Variants in PLCB1 observed in about 807,000 individuals in gnomAD.
The protein encoded by PLCB1 is phospholipase C beta 1, also known as 1-phosphatidylinositol 4,5-bisphosphate phosphodiesterase beta-1.
PLCB1 carries 46 observed loss-of-function variants against 161.8 expected under a neutral mutation model. The ratio of observed to expected loss-of-function variants is 0.28; its 90% CI spans 0.22 to 0.36. The LOEUF (loss-of-function observed/expected upper bound fraction) is 0.36. Among genes scored for constraint, PLCB1 ranks in the 10% least tolerant of loss-of-function variants. The pLI, the probability that PLCB1 is intolerant of heterozygous loss-of-function variation, is 1.00. For synonymous variants in PLCB1, 517 were observed against 503.7 expected, an observed-to-expected ratio of 1.03 and a Z score of -0.35; for missense variants, 1,016 against 1,472.5, an observed-to-expected ratio of 0.69 and a Z score of 5.07.
chr20:8,377,032 A>G (rs1987110523), intron 3 of PLCB1, among the ~76,000 whole-genome samples: 1 of 152,194 alleles, frequency 6.6e-6, no homozygotes, highest in Non-Finnish European at 1.5e-5. Context: ...CAAGCTACCA[A>G]CCTGATGTCA....
chr20:8,723,397 A>G (rs909235586), intron 15 of PLCB1, among the ~76,000 whole-genome samples: 1 of 152,186 alleles, frequency 6.6e-6, no homozygotes, highest in Non-Finnish European at 1.5e-5. Flanking sequence ...CCCAAATATT[A>G]CTACCAGAAT....
At chr20:8,397,885 C>T (rs1978362213) in intron 3 of PLCB1, among the ~76,000 whole-genome samples, 1 of 151,858 alleles carries the variant, frequency 6.6e-6, no homozygotes, top group Non-Finnish European at 1.5e-5. Context: ...AGGTTGTTTC[C>T]ATTATTTTTT....
At chr20:8,484,427 T>C (rs1271112252) in intron 3 of PLCB1, among the ~76,000 whole-genome samples, 1 of 151,272 alleles carries the variant, frequency 6.6e-6, no homozygotes, top group African/African-American at 2.4e-5. Context: ...AGTGGTGTGA[T>C]CTTGGCTTAC....
At position 8,814,577 on chromosome 20, in the gene PLCB1, ATG is replaced by A. The variant is rs10670728; in HGVS notation, c.3423+24348_3423+24349del. On this transcript the variant is annotated intron_variant, in intron 31 of 31. Coordinates refer to ENST00000338037, the MANE Select transcript of PLCB1 (RefSeq NM_015192.4). ...CTATCCACCTATGGTATGTACTTGC[ATG>A]TGTGTGTGTGTGTGTGTGTGTGTGT... 9.7e-3 allele frequency among the ~76,000 whole-genome samples: 1,412 copies of A among 145,252 alleles called. 15 individuals are homozygous for A. Among genetic ancestry groups the A allele is most frequent in the African/African-American group, 0.021 (844 of 39,390 alleles).
chr20:8,633,780 C>T (rs1264483368), intron 4 of PLCB1, among the ~76,000 whole-genome samples: 4 of 152,126 alleles, frequency 2.6e-5, no homozygotes, highest in Non-Finnish European at 5.9e-5. Flanking sequence ...GCATAACCAG[C>T]ACCCTAGATA....
intron 10 of PLCB1, among the ~76,000 whole-genome samples, chr20:8,693,149 C>T (rs1337847146): frequency 6.6e-6 from 1 of 152,210 alleles, no homozygotes; most frequent in Non-Finnish European, 1.5e-5. Flanking sequence ...AGGAATATGT[C>T]TCATATCACT....
chr20:8,826,952 G>A (rs963414652), intron 31 of PLCB1, among the ~76,000 whole-genome samples: 6 of 152,120 alleles, frequency 3.9e-5, no homozygotes, highest in African/African-American at 4.8e-5. Context: ...ATGACCTAGA[G>A]TTTATGTACT....
intron 3 of PLCB1, among the ~76,000 whole-genome samples, chr20:8,618,225 A>C (rs1988085061): frequency 6.6e-6 from 1 of 152,216 alleles, no homozygotes; most frequent in Admixed American, 6.5e-5. Context: ...AAAAGGAAAA[A>C]ATAATTGCCT....
At chr20:8,386,652 C>CAGCCT (rs1987433992) in intron 3 of PLCB1, among the ~76,000 whole-genome samples, 1 of 152,206 alleles carries the variant, frequency 6.6e-6, no homozygotes, top group Non-Finnish European at 1.5e-5. Context: ...ACAAGAGAGT[C>CAGCCT]AGCCTGTCCT....
chr20:8,601,636 T>A (rs1043694526), intron 3 of PLCB1, among the ~76,000 whole-genome samples: 4 of 151,960 alleles, frequency 2.6e-5, no homozygotes, highest in African/African-American at 9.7e-5. Context: ...CTTGTGTAGA[T>A]GAGGAAGTGG....
chr20:8,805,001 C>CAAAAAAAAAAAAAAA (rs3033880), intron 31 of PLCB1, among the ~76,000 whole-genome samples: 1 of 91,018 alleles, frequency 1.1e-5, no homozygotes, highest in Non-Finnish European at 2.1e-5. Flanking sequence ...AACTCCATCT[C>CAAAAAAAAAAAAAAA]AAAAAAAAAA....
At chr20:8,439,412 C>T in intron 3 of PLCB1, among the ~76,000 whole-genome samples, 1 of 152,036 alleles carries the variant, frequency 6.6e-6, no homozygotes, top group East Asian at 1.9e-4. Flanking sequence ...TTTCCTAAGA[C>T]CCATAAAACA....
chr20:8,858,761 G>A (rs13041928), intron 31 of PLCB1, among the ~76,000 whole-genome samples: 42,849 of 151,884 alleles, frequency 0.28, 7,356 homozygotes, highest in East Asian at 0.65. Flanking sequence ...CTTACTTAGA[G>A]GTGACCAGAT....
rs183746757 is a variant in PLCB1, at chr20:8,841,916, A to G, written c.3424-39706A>G. The stretch of plus-strand genomic sequence containing the variant: ...GGCCTTAATTCTTTAGCTTTCTGCA[A>G]AACCTAGTTATGTGATGTGTTCTCT... On this transcript the variant is annotated intron_variant, in intron 31 of 31. Transcript: ENST00000338037. 3.3e-5 allele frequency among the ~76,000 whole-genome samples: 5 copies of G among 152,340 alleles called. No homozygotes were observed. In the East Asian group the frequency reaches 9.6e-4, roughly 29 times the overall value.
At chr20:8,861,798 A>G (rs1410452526) in intron 31 of PLCB1, among the ~76,000 whole-genome samples, 1 of 151,908 alleles carries the variant, frequency 6.6e-6, no homozygotes, top group Admixed American at 6.6e-5. Flanking sequence ...AAAAATCTAG[A>G]ACTTAAATAA....
intron 3 of PLCB1, among the ~76,000 whole-genome samples, chr20:8,461,021 A>T (rs112888442): frequency 1.3e-5 from 2 of 152,306 alleles, no homozygotes; most frequent in African/African-American, 4.8e-5. Context: ...GAGTATTTGA[A>T]ATGTGGCCAG....
intron 3 of PLCB1, among the ~76,000 whole-genome samples, chr20:8,611,960 A>G (rs1234221007): frequency 6.6e-6 from 1 of 152,084 alleles, no homozygotes; most frequent in Non-Finnish European, 1.5e-5. Flanking sequence ...AGGATAAATA[A>G]AACAAACTAG....
At position 8,344,773 on chromosome 20, in the gene PLCB1, A is replaced by T. The variant is rs187347382; in HGVS notation, c.178-26609A>T. 1.8e-4 allele frequency among the ~76,000 whole-genome samples: 27 copies of T among 152,228 alleles called. No individual in the cohort carries two copies. In the East Asian group the frequency reaches 5.0e-3, roughly 28 times the overall value. On this transcript the variant is annotated intron_variant, in intron 2 of 31. Transcript: ENST00000338037. ...TAACTCACAAAGGCAATTGACTTGA[A>T]CTCCTCTAGGTTTTGCTTTTGTCTG...
intron 3 of PLCB1, among the ~76,000 whole-genome samples, chr20:8,379,100 A>G (rs1040932966): frequency 1.4e-5 from 2 of 147,930 alleles, no homozygotes; most frequent in African/African-American, 5.0e-5. Flanking sequence ...CCCTCCTCTC[A>G]CCTCCCCCAC....
Sources: allele counts gnomAD v4.1 joint callset (sites outside exome capture counted in the v4.1 genomes callset), GRCh38; gene constraint gnomAD v4.1.1; transcripts MANE v1.5; gene names NCBI Gene and HGNC (gene_info 2026-07-23, HGNC 2026-07-21).